AHCYL2: variants seen among roughly 807,000 people sequenced by gnomAD.
The protein encoded by AHCYL2 is adenosylhomocysteinase like 2.
AHCYL2 carries 28 observed loss-of-function variants against 81.4 expected under a neutral mutation model. The ratio of observed to expected loss-of-function variants is 0.34; its 90% confidence interval spans 0.25 to 0.47. The LOEUF (loss-of-function observed/expected upper bound fraction) is 0.47. AHCYL2 is among the 20% of genes least tolerant of loss of function. AHCYL2 has a pLI of 1.00. For synonymous variants in AHCYL2, 272 were observed against 290.2 expected (o/e 0.94, Z 0.64); for missense variants, 551 against 785.1 (o/e 0.70, Z 3.56).
At chr7:129,389,341 G>T in intron 3 of AHCYL2, 142 bp downstream of exon 3, 1 of 737,452 alleles carries the variant, frequency 1.4e-6, no homozygotes, top group Non-Finnish European at 1.9e-6. Context: ...GTGAGTTCAA[G>T]AAACACTGGG....
At chr7:129,333,471 G>T (rs141986619) in intron 1 of AHCYL2, among the ~76,000 whole-genome samples, 2 of 152,136 alleles carry the variant, frequency 1.3e-5, no homozygotes, top group Non-Finnish European at 2.9e-5. Flanking sequence ...ATCACATGAC[G>T]TAGTAACTAG....
At chr7:129,310,281 GT>G (rs1486991531) in intron 1 of AHCYL2, among the ~76,000 whole-genome samples, 2 of 152,010 alleles carry the variant, frequency 1.3e-5, no homozygotes, top group Non-Finnish European at 2.9e-5. Flanking sequence ...TTCATTTTCT[GT>G]TTGGTAATAG....
chr7:129,426,686 C>T lies in AHCYL2; in HGVS notation c.1829+123C>T, dbSNP rs1797380244. The T allele has an allele frequency of 9.7e-6, 13 of 1,336,818 alleles. No individual in the cohort carries two copies. Among genetic ancestry groups the T allele is most frequent in the Admixed American group, 5.5e-5 (2 of 36,232 alleles). The allele number at this position is 1,336,818 out of a possible 1,614,324, so 82.8% of individuals were successfully genotyped here. On this transcript the variant is annotated intron_variant, in intron 16 of 16. Coordinates refer to ENST00000325006, the MANE Select transcript of AHCYL2 (RefSeq NM_015328.4). This position sits in a 1 kb window ranked among gnomAD's most constrained non-coding sequence, Gnocchi z 4.3. ...AACTCAGAAAAATGAACCCACTTCC[C>T]CTCACTGCCACCTTCAAAAGACTCT...
intron 1 of AHCYL2, among the ~76,000 whole-genome samples, chr7:129,336,160 C>T (rs1798598495): frequency 6.6e-6 from 1 of 150,890 alleles, no homozygotes; most frequent in Non-Finnish European, 1.5e-5. Context: ...CCTCTACTCC[C>T]AGGTTCAAAC....
In AHCYL2 at chr7:129,397,262, G is replaced by A. The variant is rs753117805; in HGVS notation, c.761G>A (p.Arg254Gln). The change falls in exon 5 of 17, where the codon CGA becomes CAA. Residue 254 changes from arginine (R) to glutamine (Q), a missense_variant. Arg to Gln is a conservative substitution (Grantham distance 43). Transcript: ENST00000325006. ...ETLGALGAQC[R>Q]WAACNIYSTL... ...CTGGGTGCTCTGGGGGCCCAGTGCC[G>A]ATGGGCTGCCTGCAACATCTATTCC... 13 of 1,614,122 alleles carry A rather than the reference G, an allele frequency of 8.1e-6. No individual in the cohort carries two copies. The highest frequency in any genetic ancestry group is 1.7e-4 in the Middle Eastern group (1 of 6,060).
rs1794592628 is a variant in AHCYL2, at chr7:129,235,043, C to A, written c.363+9604C>A. On this transcript the variant is annotated intron_variant, in intron 1 of 16. Coordinates refer to ENST00000325006, the MANE Select transcript of AHCYL2 (RefSeq NM_015328.4). ...CTTAACTCACTCCTGCTATAATATTCTGTTTAACCAAAACAAAACCCTCTT... is the reference window on the plus strand; with the variant it reads ...CTTAACTCACTCCTGCTATAATATTATGTTTAACCAAAACAAAACCCTCTT... Among the ~76,000 whole-genome samples the A allele has an allele frequency of 3.9e-5, 6 of 152,272 alleles. No homozygotes were observed. The South Asian group carries it at 1.2e-3, about 32-fold the overall frequency.
At chr7:129,268,617 G>A (rs1294099648) in intron 1 of AHCYL2, among the ~76,000 whole-genome samples, 5 of 152,204 alleles carry the variant, frequency 3.3e-5, no homozygotes, top group African/African-American at 9.7e-5. Flanking sequence ...CTCCCAAAGT[G>A]TTGGGATTAT....
At chr7:129,313,145 C>T (rs1052121772) in intron 1 of AHCYL2, among the ~76,000 whole-genome samples, 1 of 151,954 alleles carries the variant, frequency 6.6e-6, no homozygotes, top group African/African-American at 2.4e-5. Flanking sequence ...AGTAAGTGTT[C>T]GATAAATATT....
intron 1 of AHCYL2, among the ~76,000 whole-genome samples, chr7:129,268,495 G>A (rs561969871): frequency 7.2e-4 from 109 of 152,088 alleles, no homozygotes; most frequent in Non-Finnish European, 1.3e-3. Context: ...CTACAGGCAC[G>A]GGCCACCATA....
Position 129,225,200 on chromosome 7 carries a change from G to A in AHCYL2, c.124G>A (p.Ala42Thr). 1 of 1,551,422 alleles carries A rather than the reference G, an allele frequency of 6.4e-7. No homozygotes were observed. Among genetic ancestry groups the A allele is most frequent in the East Asian group, 2.5e-5 (1 of 40,020 alleles). ...GLSTAAVGAM[A>T]PPAGGGDPEA... ...GAGCACGGCCGCCGTGGGCGCCATGGCCCCCCCGGCGGGCGGTGGAGACCC... is the reference window on the plus strand; with the variant it reads ...GAGCACGGCCGCCGTGGGCGCCATGACCCCCCCGGCGGGCGGTGGAGACCC... Residue 42 changes from alanine to threonine, a missense_variant, in exon 1 of 17, where the codon GCC (alanine) becomes ACC (threonine). Ala to Thr is a moderately conservative substitution (Grantham distance 58, BLOSUM62 0). Around this residue, in one of 2 missense-constraint regions of AHCYL2, gnomAD observed 235 missense variants for 242.1 expected, o/e 0.97. Transcript: ENST00000325006.
chr7:129,353,401 A>G (rs1793635300), intron 1 of AHCYL2, among the ~76,000 whole-genome samples: 2 of 152,020 alleles, frequency 1.3e-5, no homozygotes, highest in African/African-American at 4.8e-5. Flanking sequence ...TCATATAGCA[A>G]GCTTTCTCTC....
chr7:129,420,988 C>T (rs533051176), intron 12 of AHCYL2, among the ~76,000 whole-genome samples: 60 of 152,292 alleles, frequency 3.9e-4, no homozygotes, highest in Non-Finnish European at 7.3e-4. Context: ...CGGTGGCTCA[C>T]GCCTGTAATC....
At chr7:129,243,060 G>C (rs1407296148) in intron 1 of AHCYL2, among the ~76,000 whole-genome samples, 4 of 129,130 alleles carry the variant, frequency 3.1e-5, no homozygotes, top group African/African-American at 1.2e-4. Context: ...TCACTCTGTC[G>C]CCCAGGCTGG....
intron 1 of AHCYL2, among the ~76,000 whole-genome samples, chr7:129,261,729 C>T (rs1367322432): frequency 2.6e-5 from 4 of 152,078 alleles, no homozygotes; most frequent in African/African-American, 9.7e-5. Context: ...ATTAAAATTG[C>T]ACTTTATTGT....
At chr7:129,336,650 C>T (rs1300337929) in intron 1 of AHCYL2, among the ~76,000 whole-genome samples, 1 of 152,138 alleles carries the variant, frequency 6.6e-6, no homozygotes, top group African/African-American at 2.4e-5. Flanking sequence ...CAATTCTTTT[C>T]TTCCCCAAGC....
chr7:129,366,706 G>A (rs1348725612), intron 1 of AHCYL2, among the ~76,000 whole-genome samples: 3 of 151,134 alleles, frequency 2.0e-5, no homozygotes, highest in Admixed American at 2.0e-4. Flanking sequence ...AACCTGGGAG[G>A]CAGAGGTTGC....
At chr7:129,226,089 A>G (rs1794205350) in intron 1 of AHCYL2, among the ~76,000 whole-genome samples, 1 of 152,224 alleles carries the variant, frequency 6.6e-6, no homozygotes, top group South Asian at 2.1e-4. Flanking sequence ...CCTGCTGGGT[A>G]TAGTTGGTCA....
chr7:129,366,226 T>C (rs551237162), intron 1 of AHCYL2, among the ~76,000 whole-genome samples: 2 of 152,234 alleles, frequency 1.3e-5, no homozygotes, highest in African/African-American at 4.8e-5. Flanking sequence ...CTCTCCACCC[T>C]CCCTGTGATC....
At chr7:129,253,665 G>A (rs944045805) in intron 1 of AHCYL2, among the ~76,000 whole-genome samples, 2 of 152,134 alleles carry the variant, frequency 1.3e-5, no homozygotes, top group African/African-American at 2.4e-5. Flanking sequence ...TGGTTGGGGT[G>A]CAGTGGTTCA....
Sources: allele counts gnomAD v4.1 joint callset (sites outside exome capture counted in the v4.1 genomes callset), GRCh38; gene constraint gnomAD v4.1.1; regional missense constraint gnomAD v4.1.1; non-coding constraint Gnocchi (gnomAD v3.1); transcripts MANE v1.5; gene names NCBI Gene and HGNC (gene_info 2026-07-23, HGNC 2026-07-21).